Variants in GDA observed in about 807,000 individuals in gnomAD.
GDA encodes cytoplasmic PSD-95 interactor.
Under a neutral mutation model 59.6 loss-of-function variants are expected in GDA, and 18 were observed. The ratio of observed to expected loss-of-function variants is 0.30; its 90% CI spans 0.21 to 0.45. The LOEUF is 0.45. Ranked by LOEUF, GDA falls within the 20% of genes least tolerant of loss-of-function variation. The pLI is 1.00. For synonymous variants in GDA, 201 were observed against 201.1 expected, an observed-to-expected ratio of 1.00 and a Z score of 0.00; for missense variants, 427 against 552.3, an observed-to-expected ratio of 0.77 and a Z score of 2.27.
At chr9:72,219,357 C>G (rs753596793) in intron 5 of GDA, 122 bp from the exon 6 acceptor site, 1 of 655,536 alleles carries the variant, frequency 1.5e-6, no homozygotes, top group East Asian at 3.1e-5. Context: ...GAGCCGAGAT[C>G]GCACCACTTC....
intron 1 of GDA, among the ~76,000 whole-genome samples, chr9:72,164,779 C>T (rs1038775761): frequency 6.6e-6 from 1 of 150,968 alleles, no homozygotes; most frequent in African/African-American, 2.4e-5. Context: ...GTCAGGAGAT[C>T]GAGACCATCC....
downstream of GDA, among the ~76,000 whole-genome samples, chr9:72,254,095 GTGTTT>G (rs1282917137): frequency 2.0e-5 from 3 of 152,162 alleles, no homozygotes; most frequent in African/African-American, 7.2e-5. Context: ...ATGGCAGCAG[GTGTTT>G]TGTTTTGTTT....
Position 72,143,275 on chromosome 9 carries a change from A to G in GDA, c.-100+28442A>G, listed in dbSNP as rs1037954955. Reference sequence around the variant, plus strand: ...CTCCCGAGTAGCTGGGATTACAGGCATGCACCACCATGCCCGGCTAATTTT... The same window carrying G: ...CTCCCGAGTAGCTGGGATTACAGGCGTGCACCACCATGCCCGGCTAATTTT... On this transcript the variant is annotated intron_variant, in intron 1 of 13. Coordinates refer to the GDA transcript ENST00000545168. Among the ~76,000 whole-genome samples, 3 of 151,028 alleles carry G rather than the reference A, an allele frequency of 2.0e-5. 1 individual carries two copies. The South Asian group carries it at 6.3e-4, about 32-fold the overall frequency.
chr9:72,252,862 G>C (rs1840786823), downstream of GDA, among the ~76,000 whole-genome samples: 1 of 152,134 alleles, frequency 6.6e-6, no homozygotes, highest in Non-Finnish European at 1.5e-5. Flanking sequence ...CTGCCTTACA[G>C]TCATGAAGAT....
At chr9:72,131,825 T>C (rs1051714609) in intron 1 of GDA, among the ~76,000 whole-genome samples, 1 of 152,168 alleles carries the variant, frequency 6.6e-6, no homozygotes, top group African/African-American at 2.4e-5. Context: ...AAAAGAACTA[T>C]ACCCCTTTAT....
chr9:72,233,553 G>A (rs1253183175), intron 10 of GDA, among the ~76,000 whole-genome samples: 1 of 152,184 alleles, frequency 6.6e-6, no homozygotes, highest in African/African-American at 2.4e-5. Flanking sequence ...TGTTTTGGGA[G>A]TTTCTTCTAA....
At chr9:72,232,901 T>C (rs1019817941) in intron 10 of GDA, among the ~76,000 whole-genome samples, 1 of 152,220 alleles carries the variant, frequency 6.6e-6, no homozygotes, top group African/African-American at 2.4e-5. Context: ...TTAAAATGCA[T>C]GCAAATTGGT....
chr9:72,201,820 G>C (rs1270119218), intron 2 of GDA, among the ~76,000 whole-genome samples: 2 of 152,096 alleles, frequency 1.3e-5, no homozygotes, highest in African/African-American at 2.4e-5. Flanking sequence ...CACTTTCCAG[G>C]ACTTTCTAAT....
rs772882884 is a variant in GDA, at chr9:72,241,201, A to G, written c.1038A>G (p.Ala346=). The part of the protein sequence containing the change: ...SYSMLDAIRR[A]VMVSNILLIN... ...CCATGCTTGATGCAATCAGAAGAGC[A>G]GTGATGGTTTCCAATATCCTTTTAA... The change falls in exon 11 of 14, where the codon GCA becomes GCG. Residue 346 remains alanine (A), a synonymous_variant. Transcript: ENST00000358399. 1 of 1,610,902 alleles carries G rather than the reference A, an allele frequency of 6.2e-7. No homozygotes were observed.
At chr9:72,181,632 C>G (rs1831234090) in intron 1 of GDA, among the ~76,000 whole-genome samples, 1 of 151,944 alleles carries the variant, frequency 6.6e-6, no homozygotes, top group African/African-American at 2.4e-5. Context: ...GCCTCACTAT[C>G]TTTTTTCACT....
intron 1 of GDA, among the ~76,000 whole-genome samples, chr9:72,189,334 C>T (rs1417812513): frequency 6.6e-6 from 1 of 151,722 alleles, no homozygotes; most frequent in Admixed American, 6.6e-5. Context: ...GCATGCATCC[C>T]CATACCTGGC....
rs1036822029 is a variant in GDA at position 72,234,137 on chromosome 9, T to C, written c.988+2956T>C. ...TATATGCAAAATGTGGGTAAATATA[T>C]GCCAGTGTGTGGGCTTAAAGAGCAC... On this transcript the variant is annotated intron_variant, in intron 10 of 13. Coordinates refer to ENST00000358399, the MANE Select transcript of GDA (RefSeq NM_004293.5). Among the ~76,000 whole-genome samples, 4 of 152,136 alleles carry C rather than the reference T, an allele frequency of 2.6e-5. No homozygotes were observed. The East Asian group carries it at 7.7e-4, about 29-fold the overall frequency.
chr9:72,189,404 C>T (rs1832262110), intron 1 of GDA, among the ~76,000 whole-genome samples: 6 of 151,742 alleles, frequency 4.0e-5, no homozygotes, highest in Admixed American at 3.9e-4. Flanking sequence ...TCTCAAACTC[C>T]TGGGCGCAAT....
At chr9:72,125,437 C>A (rs1194241423) in intron 1 of GDA, among the ~76,000 whole-genome samples, 3 of 149,930 alleles carry the variant, frequency 2.0e-5, no homozygotes, top group Non-Finnish European at 4.4e-5. Flanking sequence ...CACACTGCAA[C>A]CTTGACCTCC....
chr9:72,181,602 G>A (rs1831229259), intron 1 of GDA, among the ~76,000 whole-genome samples: 1 of 152,174 alleles, frequency 6.6e-6, no homozygotes, highest in Non-Finnish European at 1.5e-5. Context: ...TGGGATTACA[G>A]GCGTGAGCCA....
At chr9:72,234,650 AG>A (rs1838752758) in intron 10 of GDA, among the ~76,000 whole-genome samples, 1 of 152,220 alleles carries the variant, frequency 6.6e-6, no homozygotes, top group Non-Finnish European at 1.5e-5. Context: ...AGAGCTTTGA[AG>A]GGTAAATCTT....
chr9:72,219,840 C>G (rs1836628023), intron 6 of GDA, among the ~76,000 whole-genome samples: 1 of 152,272 alleles, frequency 6.6e-6, no homozygotes, highest in East Asian at 1.9e-4. Context: ...TACACTAGAT[C>G]CTCAGAACTT....
intron 1 of GDA, among the ~76,000 whole-genome samples, chr9:72,157,030 C>CTT (rs544126638): frequency 5.8e-4 from 60 of 104,090 alleles, no homozygotes; most frequent in African/African-American, 1.3e-3. Context: ...TCTAGACTTC[C>CTT]TTTTTTTTTT....
intron 2 of GDA, among the ~76,000 whole-genome samples, chr9:72,199,678 C>A (rs1442818745): frequency 1.3e-5 from 2 of 152,180 alleles, no homozygotes; most frequent in Admixed American, 6.5e-5. Flanking sequence ...AGAGCTAAAT[C>A]TTTCCAAAAT....
Sources: gnomAD v4.1 joint callset for allele counts (sites outside exome capture counted in the v4.1 genomes callset) on GRCh38, gnomAD v4.1.1 for gene constraint, MANE v1.5 for transcripts, NCBI Gene and HGNC (gene_info 2026-07-23, HGNC 2026-07-21) for gene names.